SORCS3: variants seen among roughly 807,000 people sequenced by gnomAD.
SORCS3 encodes the protein VPS10 domain-containing receptor SorCS3.
A neutral mutation model predicts 146.3 loss-of-function variants in SORCS3; 57 were observed. The ratio of observed to expected loss-of-function variants is 0.39; its 90% CI spans 0.31 to 0.49. The LOEUF is 0.49. SORCS3 is among the 20% of genes least tolerant of loss of function. The pLI is 0.92. For missense variants in SORCS3, 1,341 were observed against 1,575.5 expected (o/e 0.85, Z 2.52); for synonymous variants, 653 against 618.5 (o/e 1.06, Z -0.83).
chr10:105,192,104 A>C (rs1478485211), intron 14 of SORCS3, among the ~76,000 whole-genome samples: 1 of 152,186 alleles, frequency 6.6e-6, no homozygotes, highest in African/African-American at 2.4e-5. Context: ...TCACATTAAT[A>C]AATTTGTATG....
chr10:105,170,986 T>C (rs1390257940), intron 13 of SORCS3, among the ~76,000 whole-genome samples: 2 of 152,144 alleles, frequency 1.3e-5, no homozygotes, highest in Non-Finnish European at 2.9e-5. Context: ...AGGTAATCAG[T>C]TCATTGCCAT....
In SORCS3 at chr10:104,817,756, A is replaced by G. The variant is rs1426191658; in HGVS notation, c.628-25036A>G. On this transcript the variant is annotated intron_variant, in intron 1 of 26. Coordinates refer to ENST00000369701, the MANE Select transcript of SORCS3 (RefSeq NM_014978.3). ...CTTTTTTGTTGGCAGGCAAGTGAGT[A>G]AGGGGGTGGGCAGATGAAGAAATCA... is the stretch of plus-strand genomic sequence containing the variant. Among the ~76,000 whole-genome samples the G allele has an allele frequency of 3.0e-5, 4 of 132,202 alleles. No homozygotes were observed. The South Asian group carries it at 1.0e-3, about 34-fold the overall frequency. 86.7% of individuals were successfully genotyped at this position (132,202 alleles called of 152,430 possible).
intron 4 of SORCS3, among the ~76,000 whole-genome samples, chr10:104,977,907 T>C (rs2054910496): frequency 6.6e-6 from 1 of 151,910 alleles, no homozygotes; most frequent in Non-Finnish European, 1.5e-5. Context: ...AATTTTTGTA[T>C]TTTTAGTAGA....
chr10:105,024,495 GGAACCCACAGCCCTGAA>G (rs1332416177), intron 4 of SORCS3, among the ~76,000 whole-genome samples: 1 of 152,122 alleles, frequency 6.6e-6, no homozygotes, highest in African/African-American at 2.4e-5. Flanking sequence ...TGATTTCATG[GGAACCCACAGCCCTGAA>G]ATAAGAAGAG....
chr10:104,716,104 CT>C (rs1297097171), intron 1 of SORCS3, among the ~76,000 whole-genome samples: 1 of 152,166 alleles, frequency 6.6e-6, no homozygotes, highest in South Asian at 2.1e-4. Context: ...TTCTTTAAGT[CT>C]TTTAAATTTG....
intron 13 of SORCS3, among the ~76,000 whole-genome samples, chr10:105,173,180 T>C (rs942494921): frequency 1.3e-5 from 2 of 152,040 alleles, no homozygotes; most frequent in Non-Finnish European, 2.9e-5. Flanking sequence ...GGTGTGGTGG[T>C]AAGCGCCTGT....
At chr10:104,986,945 A>G (rs1027312761) in intron 4 of SORCS3, among the ~76,000 whole-genome samples, 1 of 152,186 alleles carries the variant, frequency 6.6e-6, no homozygotes, top group African/African-American at 2.4e-5. Context: ...AGAAACACAA[A>G]GTAGGCACAT....
At chr10:105,052,367 A>G (rs2055419251) in intron 5 of SORCS3, among the ~76,000 whole-genome samples, 1 of 152,172 alleles carries the variant, frequency 6.6e-6, no homozygotes, top group Admixed American at 6.6e-5. Context: ...TTCCTTAGTT[A>G]GAGGCACATG....
At chr10:104,838,087 A>C (rs570161576) in intron 1 of SORCS3, among the ~76,000 whole-genome samples, 1 of 152,306 alleles carries the variant, frequency 6.6e-6, no homozygotes, top group Non-Finnish European at 1.5e-5. Flanking sequence ...TGCCCAGTGT[A>C]GTACTTAGCA....
chr10:105,026,069 G>C (rs1219615396), intron 4 of SORCS3, among the ~76,000 whole-genome samples: 1 of 152,018 alleles, frequency 6.6e-6, no homozygotes, highest in African/African-American at 2.4e-5. Context: ...AAATATCCCG[G>C]ATGCGATCAG....
intron 4 of SORCS3, among the ~76,000 whole-genome samples, chr10:105,034,008 C>T (rs2055288285): frequency 6.6e-6 from 1 of 152,142 alleles, no homozygotes; most frequent in Admixed American, 6.5e-5. Context: ...TCTTCCCATA[C>T]CTGGCACAGT....
chr10:104,945,999 T>C (rs1564719428), intron 3 of SORCS3, among the ~76,000 whole-genome samples: 1 of 152,094 alleles, frequency 6.6e-6, no homozygotes, highest in East Asian at 1.9e-4. Context: ...CCACCTCTTA[T>C]TAATGGTGTT....
chr10:105,030,528 C>A (rs748037857), intron 4 of SORCS3, among the ~76,000 whole-genome samples: 1 of 151,862 alleles, frequency 6.6e-6, no homozygotes, highest in African/African-American at 2.4e-5. Flanking sequence ...AAACAAGGAA[C>A]AAGGACAATC....
intron 14 of SORCS3, among the ~76,000 whole-genome samples, chr10:105,183,860 G>A (rs1207017327): frequency 6.6e-6 from 1 of 152,186 alleles, no homozygotes; most frequent in Non-Finnish European, 1.5e-5. Context: ...ATGGATTGCT[G>A]TGTGGGCTCA....
intron 11 of SORCS3, among the ~76,000 whole-genome samples, chr10:105,161,947 A>T (rs1310882951): frequency 6.6e-6 from 1 of 152,018 alleles, no homozygotes; most frequent in Non-Finnish European, 1.5e-5. Flanking sequence ...AACTTCCTGT[A>T]AACTCTGAAT....
intron 3 of SORCS3, among the ~76,000 whole-genome samples, chr10:104,950,850 C>G (rs1362405643): frequency 2.6e-5 from 4 of 152,214 alleles, no homozygotes; most frequent in East Asian, 1.9e-4. Context: ...TTGAAACACA[C>G]AAGCTTATAT....
intron 11 of SORCS3, among the ~76,000 whole-genome samples, chr10:105,163,808 G>T (rs1011446135): frequency 1.3e-4 from 19 of 151,760 alleles, no homozygotes; most frequent in African/African-American, 4.4e-4. Context: ...GTACCATTGG[G>T]TCACTCAACT....
intron 3 of SORCS3, among the ~76,000 whole-genome samples, chr10:104,964,573 C>T (rs1431323102): frequency 6.6e-6 from 1 of 152,118 alleles, no homozygotes; most frequent in Non-Finnish European, 1.5e-5. Context: ...TAGAATAGAG[C>T]CTGGCATGGA....
intron 3 of SORCS3, among the ~76,000 whole-genome samples, chr10:104,972,498 T>C (rs1313288778): frequency 6.6e-6 from 1 of 151,930 alleles, no homozygotes; most frequent in Non-Finnish European, 1.5e-5. Flanking sequence ...CATAAAACAA[T>C]TCAGAAAGAA....
Sources: gnomAD v4.1 joint callset for allele counts (sites outside exome capture counted in the v4.1 genomes callset) on GRCh38, gnomAD v4.1.1 for gene constraint, MANE v1.5 for transcripts, NCBI Gene and HGNC (gene_info 2026-07-23, HGNC 2026-07-21) for gene names.